The following P3H2 variants were observed in gnomAD, a reference collection of about 807,000 sequenced individuals.
P3H2 encodes prolyl 3-hydroxylase 2.
A neutral mutation model predicts 87.0 loss-of-function variants in P3H2; 80 were observed. That is an observed-to-expected ratio of 0.92 (90% CI 0.77 to 1.11). P3H2 has a LOEUF of 1.11. Among genes scored for constraint, P3H2 ranks in the 50% least tolerant of loss-of-function variants. P3H2 has a pLI of 0.00. For missense variants in P3H2, 1,001 were observed against 923.9 expected (o/e 1.08, Z -1.08); for synonymous variants, 367 against 359.3 (o/e 1.02, Z -0.24).
At position 190,120,698 on chromosome 3, in the gene P3H2, G is replaced by A. The variant is rs1468456753; in HGVS notation, c.34C>T (p.Leu12=). 2.0e-6 allele frequency: 3 copies of A among 1,520,786 alleles called. No individual in the cohort carries two copies. Among genetic ancestry groups the A allele is most frequent in the African/African-American group, 2.8e-5 (2 of 70,970 alleles). The allele number at this position is 1,520,786 out of a possible 1,614,324, so 94.2% of individuals were successfully genotyped here. ...RERIWAPPLL[L]LLPLLLPPPL... ...GGCGGCAGTAGCAGCGGCAGCAGCA[G>A]CAGCAGCGGCGGCGCCCAGATGCGC... Residue 12 remains leucine (L), a synonymous_variant, in exon 1 of 15, where the codon CTG becomes TTG. Transcript: ENST00000319332.
At chr3:190,006,864 T>C (rs930886927) in intron 1 of P3H2, among the ~76,000 whole-genome samples, 1 of 152,162 alleles carries the variant, frequency 6.6e-6, no homozygotes, top group African/African-American at 2.4e-5. Context: ...TCCAGAGTAA[T>C]GGGAAACAAG....
chr3:190,046,110 A>G lies in P3H2; in HGVS notation c.481-50668T>C, dbSNP rs955403033. On this transcript the variant is annotated intron_variant, in intron 1 of 14. Transcript: ENST00000319332. The stretch of plus-strand genomic sequence containing the variant: ...TGCACTCCCGCCTGGGCGACAGAGC[A>G]AGACTCCATCTCAAAAAAAAAAAAA... Among the ~76,000 whole-genome samples the G allele has an allele frequency of 8.6e-5, 12 of 139,966 alleles. No homozygotes were observed. The East Asian group carries it at 8.6e-4, about 10-fold the overall frequency. The allele number at this position is 139,966 out of a possible 152,430, so 91.8% of individuals were successfully genotyped here.
Position 190,007,965 on chromosome 3 carries a change from C to CACACACACACACACACATATATATAT in P3H2, c.481-12524_481-12523insATATATATATGTGTGTGTGTGTGTGT. Among the ~76,000 whole-genome samples, 273 of 94,318 alleles carry CACACACACACACACACATATATATAT rather than the reference C, an allele frequency of 2.9e-3. 1 individual carries two copies. Among genetic ancestry groups the CACACACACACACACACATATATATAT allele is most frequent in the East Asian group, 0.011 (29 of 2,602 alleles). 61.9% of individuals were successfully genotyped at this position (94,318 alleles called of 152,430 possible). On this transcript the variant is annotated intron_variant, in intron 1 of 14. Coordinates refer to ENST00000319332, the MANE Select transcript of P3H2 (RefSeq NM_018192.4). ...GCCTGAGACTCTATTTGTTGACACA[C>CACACACACACACACACATATATATAT]ATATATATATATATATATATAGTAA...
upstream of P3H2, chr3:190,120,939 A>C (rs944470701): frequency 6.0e-6 from 4 of 663,560 alleles, no homozygotes; most frequent in African/African-American, 5.8e-5. Flanking sequence ...GGACGCCCAC[A>C]GCTCACACGC....
Position 189,957,839 on chromosome 3 carries a change from T to C in P3H2, c.*73A>G, listed in dbSNP as rs891376648. On this transcript the variant is annotated 3_prime_UTR_variant, in exon 15 of 15. Transcript: ENST00000319332. Reference sequence around the variant, plus strand: ...AACCTGTTAATTTATACCATGGCTCTGTACAAAAATAAAAAGGTTCTCATA... The same window carrying C: ...AACCTGTTAATTTATACCATGGCTCCGTACAAAAATAAAAAGGTTCTCATA... The C allele has an allele frequency of 4.0e-6, 4 of 1,005,884 alleles. No individual in the cohort carries two copies. In the African/African-American group the frequency reaches 6.4e-5, roughly 16 times the overall value. The allele number at this position is 1,005,884 out of a possible 1,614,324, so 62.3% of individuals were successfully genotyped here.
intron 1 of P3H2, among the ~76,000 whole-genome samples, chr3:189,999,430 T>A (rs902428927): frequency 3.3e-5 from 5 of 152,232 alleles, no homozygotes; most frequent in African/African-American, 1.2e-4. Flanking sequence ...GGAAGCTTGA[T>A]ACCTCTGTCT....
chr3:190,027,624 C>CTT (rs539796963), intron 1 of P3H2, among the ~76,000 whole-genome samples: 199 of 136,756 alleles, frequency 1.5e-3, no homozygotes, highest in African/African-American at 2.6e-3. Flanking sequence ...CGGTTTTTAC[C>CTT]TTTTTTTTTT....
chr3:190,045,908 T>C (rs1009124172), intron 1 of P3H2, among the ~76,000 whole-genome samples: 1 of 151,928 alleles, frequency 6.6e-6, no homozygotes, highest in Non-Finnish European at 1.5e-5. Flanking sequence ...GATCACGAGG[T>C]CAGGAGATCG....
Position 190,120,858 on chromosome 3 carries a change from G to C in P3H2, c.-127C>G. 1 of 1,395,686 alleles carries C rather than the reference G, an allele frequency of 7.2e-7. No homozygotes were observed. Among genetic ancestry groups the C allele is most frequent in the South Asian group, 1.5e-5 (1 of 67,402 alleles). 86.5% of individuals were successfully genotyped at this position (1,395,686 alleles called of 1,614,324 possible). A position where few individuals can be genotyped will look rare whatever the true frequency, so the allele number is the denominator to read the frequency against. On this transcript the variant is annotated 5_prime_UTR_variant, in exon 1 of 15. Coordinates refer to ENST00000319332, the MANE Select transcript of P3H2 (RefSeq NM_018192.4). ...CTCCGCCGCGATCTGGCCGCTCCGC[G>C]AGCCCCAGGTGACCGCCGGCGCTCC...
chr3:190,085,655 G>C (rs1470450710), intron 1 of P3H2, among the ~76,000 whole-genome samples: 29 of 149,100 alleles, frequency 1.9e-4, no homozygotes, highest in Non-Finnish European at 2.9e-5. Context: ...CTAACCCTTT[G>C]TTTGAGACAG....
chr3:189,992,971 A>T (rs749401841), intron 3 of P3H2, among the ~76,000 whole-genome samples: 9 of 152,214 alleles, frequency 5.9e-5, no homozygotes, highest in Non-Finnish European at 1.3e-4. Context: ...ATCTGTACTT[A>T]TAAATCTTAG....
Position 190,020,273 on chromosome 3 carries a change from C to T in P3H2, c.481-24831G>A, listed in dbSNP as rs1260309564. 6.7e-5 allele frequency among the ~76,000 whole-genome samples: 9 copies of T among 133,880 alleles called. 1 individual carries two copies. Among genetic ancestry groups the T allele is most frequent in the African/African-American group, 1.8e-4 (7 of 38,652 alleles). The allele number at this position is 133,880 out of a possible 152,430, so 87.8% of individuals were successfully genotyped here. A position where few individuals can be genotyped will look rare whatever the true frequency, so the allele number is the denominator to read the frequency against. ...GAAATCAGGAATAAGTCTTAGCACACGAATGTGTGATCTTGCTAATGTAAA... is the reference window on the plus strand; with the variant it reads ...GAAATCAGGAATAAGTCTTAGCACATGAATGTGTGATCTTGCTAATGTAAA... On this transcript the variant is annotated intron_variant, in intron 1 of 14. Transcript: ENST00000319332.
rs78204073 is a variant in P3H2 at position 190,064,155 on chromosome 3, CT to C, written c.480+56096del. ...TACAGGCACACACCACCACACCTAA[CT>C]TTTTTTTTTTTTTAATTTTTAGTGG... On this transcript the variant is annotated intron_variant, in intron 1 of 14. Transcript: ENST00000319332. Among the ~76,000 whole-genome samples, 363 of 142,538 alleles carry C rather than the reference CT, an allele frequency of 2.5e-3. 2 individuals are homozygous for C. The highest frequency in any genetic ancestry group is 0.017 in the South Asian group (73 of 4,420). 93.5% of individuals were successfully genotyped at this position (142,538 alleles called of 152,430 possible).
chr3:189,988,771 G>A (rs1420711019), intron 4 of P3H2, 136 bp downstream of exon 4: 4 of 1,104,068 alleles, frequency 3.6e-6, no homozygotes, highest in African/African-American at 1.5e-5. Context: ...TGCAGCTCAG[G>A]AGAGAAGAAA....
chr3:190,113,637 G>T (rs1712156318), intron 1 of P3H2, among the ~76,000 whole-genome samples: 1 of 152,210 alleles, frequency 6.6e-6, no homozygotes, highest in Admixed American at 6.5e-5. Context: ...CTATGAGGAA[G>T]TTGACATTTT....
At chr3:190,055,295 C>T (rs565608220) in intron 1 of P3H2, among the ~76,000 whole-genome samples, 1 of 152,256 alleles carries the variant, frequency 6.6e-6, no homozygotes, top group South Asian at 2.1e-4. Context: ...GATAAAACTT[C>T]TAAAAATTTC....
At chr3:190,078,331 G>T (rs1403415) in intron 1 of P3H2, among the ~76,000 whole-genome samples, 1 of 151,996 alleles carries the variant, frequency 6.6e-6, no homozygotes, top group Non-Finnish European at 1.5e-5. Context: ...TCAATAGTCA[G>T]GGCTATGAAA....
At chr3:189,981,882 T>C (rs180856093) in intron 8 of P3H2, among the ~76,000 whole-genome samples, 1 of 152,190 alleles carries the variant, frequency 6.6e-6, no homozygotes, top group African/African-American at 2.4e-5. Flanking sequence ...GGCTGCAAAC[T>C]GAGGTCCAGG....
At position 190,041,058 on chromosome 3, in the gene P3H2, ACACACACACACACACACACACACT is replaced by A. The variant is rs1560375046; in HGVS notation, c.481-45640_481-45617del. 1.4e-4 allele frequency among the ~76,000 whole-genome samples: 6 copies of A among 43,986 alleles called. 1 individual carries two copies. Among genetic ancestry groups the A allele is most frequent in the African/African-American group, 5.5e-4 (4 of 7,304 alleles). 28.9% of individuals were successfully genotyped at this position (43,986 alleles called of 152,430 possible). Reference sequence around the variant, plus strand: ...TATATACACACACACACACACACACACACACACACACACACACACACACTCTCTCTCTCTATATATATATATATA... The same window carrying A: ...TATATACACACACACACACACACACACTCTCTCTCTATATATATATATATA... On this transcript the variant is annotated intron_variant, in intron 1 of 14. Transcript: ENST00000319332.
Sources: gnomAD v4.1 joint callset for allele counts (sites outside exome capture counted in the v4.1 genomes callset) on GRCh38, gnomAD v4.1.1 for gene constraint, MANE v1.5 for transcripts, NCBI Gene and HGNC (gene_info 2026-07-23, HGNC 2026-07-21) for gene names.